Variants in CHKA observed in about 807,000 individuals in gnomAD.
CHKA encodes CHETK-alpha.
A neutral mutation model predicts 60.1 loss-of-function variants in CHKA; 34 were observed. The observed-to-expected ratio is 0.57, with a 90% confidence interval of 0.43 to 0.75. The LOEUF is 0.75. CHKA is among the 30% of genes least tolerant of loss of function. The pLI is 0.00. For synonymous variants in CHKA, 217 were observed against 223.1 expected (o/e 0.97, Z 0.24); for missense variants, 563 against 561.3 (o/e 1.00, Z -0.03).
chr11:68,081,866 G>T (rs1033061691), intron 2 of CHKA: 1 of 166,244 alleles, frequency 6.0e-6, no homozygotes, highest in Non-Finnish European at 1.3e-5. Flanking sequence ...AACAGGGAGT[G>T]TAAACATGCC....
chr11:68,068,810 GAC>G, intron 7 of CHKA, 67 bp downstream of exon 7: 1 of 1,047,684 alleles, frequency 9.5e-7, no homozygotes, highest in Non-Finnish European at 1.5e-6. Context: ...ACATTTTTCA[GAC>G]ACACTGCCAG....
chr11:68,060,860 TATC>T (rs1856210543), intron 11 of CHKA, among the ~76,000 whole-genome samples: 1 of 152,126 alleles, frequency 6.6e-6, no homozygotes, highest in Non-Finnish European at 1.5e-5. Context: ...TTTTACCTAA[TATC>T]ATCCTTGCAT....
At chr11:68,074,671 T>A (rs1378926944) in intron 4 of CHKA, 46 bp downstream of exon 4, 1 of 1,547,536 alleles carries the variant, frequency 6.5e-7, no homozygotes, top group Admixed American at 1.7e-5. Context: ...GAAGCCATCT[T>A]CTGTCTGTGG....
intron 4 of CHKA, among the ~76,000 whole-genome samples, chr11:68,072,413 G>A (rs866378577): frequency 8.6e-5 from 13 of 152,018 alleles, no homozygotes; most frequent in African/African-American, 2.9e-4. Flanking sequence ...CAAACATGGT[G>A]GCACGTGCCT....
intron 1 of CHKA, among the ~76,000 whole-genome samples, chr11:68,108,750 A>AG (rs1412573837): frequency 1.3e-5 from 2 of 152,210 alleles, no homozygotes; most frequent in African/African-American, 2.4e-5. Context: ...TCAAAAAAAA[A>AG]GAAATGAGGT....
intron 1 of CHKA, among the ~76,000 whole-genome samples, chr11:68,102,744 CAA>C (rs1455253225): frequency 1.3e-5 from 2 of 152,032 alleles, no homozygotes; most frequent in Non-Finnish European, 1.5e-5. Flanking sequence ...GCAAAGGAAA[CAA>C]GAGTGAAGAA....
At chr11:68,068,289 G>C (rs1365304768) in intron 7 of CHKA, among the ~76,000 whole-genome samples, 1 of 151,576 alleles carries the variant, frequency 6.6e-6, no homozygotes, top group African/African-American at 2.4e-5. Context: ...TGCTTTTTCA[G>C]GTTAAAAAAA....
intron 1 of CHKA, among the ~76,000 whole-genome samples, chr11:68,117,152 A>C (rs1385597471): frequency 6.6e-6 from 1 of 152,150 alleles, no homozygotes; most frequent in African/African-American, 2.4e-5. Flanking sequence ...TGAGACACAG[A>C]GGGGAAAGAA....
chr11:68,075,119 C>T (rs1316970013), intron 3 of CHKA, among the ~76,000 whole-genome samples: 2 of 152,060 alleles, frequency 1.3e-5, no homozygotes, highest in Admixed American at 6.6e-5. Flanking sequence ...TCCATCAGTG[C>T]TTTTATTGCT....
chr11:68,081,322 G>T, intron 3 of CHKA, 82 bp downstream of exon 3: 1 of 1,080,266 alleles, frequency 9.3e-7, no homozygotes, highest in Non-Finnish European at 1.4e-6. Flanking sequence ...TAGATAAGAG[G>T]CACTGCCAAG....
At chr11:68,094,290 C>A (rs774808702) in intron 2 of CHKA, among the ~76,000 whole-genome samples, 3 of 152,164 alleles carry the variant, frequency 2.0e-5, no homozygotes, top group Non-Finnish European at 4.4e-5. Context: ...GCCTGTAATC[C>A]TAGCATTTTG....
intron 2 of CHKA, among the ~76,000 whole-genome samples, chr11:68,092,802 A>G (rs774647539): frequency 6.6e-6 from 1 of 152,218 alleles, no homozygotes; most frequent in Non-Finnish European, 1.5e-5. Flanking sequence ...TCCTAAGTTT[A>G]AACTACAACC....
chr11:68,063,408 G>A (rs1001966938), intron 10 of CHKA, among the ~76,000 whole-genome samples: 64 of 152,004 alleles, frequency 4.2e-4, no homozygotes, highest in African/African-American at 1.5e-3. Context: ...GCTGAGGCAA[G>A]AGGCTTGCTA....
At chr11:68,120,774 C>T in intron 1 of CHKA, 54 bp downstream of exon 1, 2 of 947,346 alleles carry the variant, frequency 2.1e-6, no homozygotes, top group South Asian at 3.7e-5. Flanking sequence ...CCCGCCCCGG[C>T]CCCGCCCCGC....
In CHKA at chr11:68,065,812, G is replaced by T. The variant is rs186951601; in HGVS notation, c.1099C>A (p.Arg367=). ...EKYPFFRANI[R]KYPTKKQQLH... is the part of the protein sequence containing the mutation. Reference sequence around the variant, plus strand: ...TGTTGTTTCTTGGTGGGATACTTCCGGATGTTTGCTCTGAAAAAAGGGTAT... The same window carrying T: ...TGTTGTTTCTTGGTGGGATACTTCCTGATGTTTGCTCTGAAAAAAGGGTAT... Residue 367 remains arginine (R), a synonymous_variant, in exon 9 of 12, where the codon CGG becomes AGG. Transcript: ENST00000265689. 6.2e-7 allele frequency: 1 copy of T among 1,600,768 alleles called. No homozygotes were observed. Among genetic ancestry groups the T allele is most frequent in the Admixed American group, 1.7e-5 (1 of 59,856 alleles).
chr11:68,096,776 C>A (rs2134659775), intron 2 of CHKA, among the ~76,000 whole-genome samples: 1 of 152,260 alleles, frequency 6.6e-6, no homozygotes, highest in South Asian at 2.1e-4. Context: ...TGTACCTTCT[C>A]TGGATGTAAA....
intron 2 of CHKA, among the ~76,000 whole-genome samples, chr11:68,086,662 A>G (rs577308663): frequency 6.3e-4 from 96 of 152,342 alleles, no homozygotes; most frequent in African/African-American, 2.2e-3. Context: ...CGGCATAAAG[A>G]AAGTGTCATT....
At chr11:68,112,890 G>A (rs1858215429) in intron 1 of CHKA, among the ~76,000 whole-genome samples, 1 of 151,724 alleles carries the variant, frequency 6.6e-6, no homozygotes, top group Non-Finnish European at 1.5e-5. Flanking sequence ...AGACCATCCT[G>A]GCTAACACAG....
chr11:68,112,804 C>T (rs1858210392), intron 1 of CHKA, among the ~76,000 whole-genome samples: 1 of 152,058 alleles, frequency 6.6e-6, no homozygotes, highest in Non-Finnish European at 1.5e-5. Flanking sequence ...TGGCAGGTGC[C>T]TGGCACGGTG....
Sources: allele counts gnomAD v4.1 joint callset (sites outside exome capture counted in the v4.1 genomes callset), GRCh38; gene constraint gnomAD v4.1.1; transcripts MANE v1.5; gene names NCBI Gene and HGNC (gene_info 2026-07-23, HGNC 2026-07-21).